Variants in TBL1Y observed in about 807,000 individuals in gnomAD.
TBL1Y encodes F-box-like/WD repeat-containing protein TBL1Y.
Under a neutral mutation model 12.0 loss-of-function variants are expected in TBL1Y, and 15 were observed. That is an observed-to-expected ratio of 1.25 (90% CI 0.83 to 1.92). TBL1Y has a LOEUF of 1.92. TBL1Y is among the 40% of genes most tolerant of loss of function. The probability of loss-of-function intolerance (pLI) is 0.00; values close to 1 mark genes in which losing one functional copy is unlikely to be tolerated. For synonymous variants in TBL1Y, 53 were observed against 42.6 expected, an observed-to-expected ratio of 1.24 and a Z score of -0.95; for missense variants, 148 against 116.7, an observed-to-expected ratio of 1.27 and a Z score of -1.24.
Position 7,070,279 on chromosome Y carries a change from G to A in TBL1Y, c.541G>A (p.Glu181Lys), listed in dbSNP as rs1416288951. Residue 181 changes from glutamate to lysine, a missense_variant, in exon 9 of 19, where the codon GAG becomes AAG. Glu to Lys is a moderately conservative substitution (Grantham distance 56). Coordinates refer to ENST00000383032, the MANE Select transcript of TBL1Y (RefSeq NM_033284.2). ...CACAGTCCTTCGGGGCCACGAGTCTGAGGTGTTCATTTGTGCCTGGAACCC... is the reference window on the plus strand; with the variant it reads ...CACAGTCCTTCGGGGCCACGAGTCTAAGGTGTTCATTTGTGCCTGGAACCC... Reference protein sequence around the residue: ...KATVLRGHESEVFICAWNPVS... With the variant: ...KATVLRGHESKVFICAWNPVS... 1 of 398,323 alleles carries A rather than the reference G, an allele frequency of 2.5e-6. No homozygotes were observed.
At chrY:7,063,152 A>C in intron 7 of TBL1Y, among the ~76,000 whole-genome samples, 1 of 33,808 alleles carries the variant, frequency 3.0e-5, no homozygotes, top group Non-Finnish European at 7.3e-5. Context: ...GACAGTCCCC[A>C]GTGGGGAAAT....
chrY:6,973,469 C>T, intron 2 of TBL1Y, among the ~76,000 whole-genome samples: 1 of 33,673 alleles, frequency 3.0e-5, no homozygotes, highest in Non-Finnish European at 7.3e-5. Flanking sequence ...ATGGGACTCT[C>T]TGTTGATGCT....
intron 14 of TBL1Y, among the ~76,000 whole-genome samples, chrY:7,082,904 A>G: frequency 3.0e-5 from 1 of 33,056 alleles, no homozygotes; most frequent in Non-Finnish European, 7.5e-5. Flanking sequence ...TCACTAACTT[A>G]ACTGATGTAA....
chrY:7,070,378 C>G, intron 9 of TBL1Y, 50 bp downstream of exon 9: 4 of 379,381 alleles, frequency 1.1e-5, no homozygotes, highest in Non-Finnish European at 1.5e-5. Flanking sequence ...ACGCAAGCTG[C>G]TTGCCCTTCC....
At position 6,990,663 on chromosome Y, in the gene TBL1Y, A is replaced by T. The variant is rs2012357377; in HGVS notation, c.-234-5141A>T. Among the ~76,000 whole-genome samples the T allele has an allele frequency of 1.6e-3, 39 of 25,048 alleles. No individual in the cohort carries two copies. In the Admixed American group the frequency reaches 0.017, roughly 11 times the overall value. 67.2% of individuals were successfully genotyped at this position (25,048 alleles called of 37,273 possible). ...AAGCTCCGCCTCCCGGGCTCACACC[A>T]TTCTCCTGCCTCAGCCTCCCGAGTA... On this transcript the variant is annotated intron_variant, in intron 3 of 18. Transcript: ENST00000383032.
intron 3 of TBL1Y, among the ~76,000 whole-genome samples, chrY:6,990,185 T>C (rs757286885): frequency 5.5e-3 from 187 of 34,166 alleles, no homozygotes; most frequent in African/African-American, 0.021. Flanking sequence ...AGACAGGGTC[T>C]TACTCTGTTG....
intron 2 of TBL1Y, among the ~76,000 whole-genome samples, chrY:6,927,936 G>A (rs2011838409): frequency 6.1e-5 from 2 of 32,676 alleles, no homozygotes; most frequent in South Asian, 6.9e-4. Flanking sequence ...TTGCTGCTAC[G>A]TTACTGGTGT....
chrY:6,935,093 C>T (rs2011894606), intron 2 of TBL1Y, among the ~76,000 whole-genome samples: 1 of 30,841 alleles, frequency 3.2e-5, no homozygotes, highest in Non-Finnish European at 7.8e-5. Flanking sequence ...GTCTTGGACT[C>T]CTAGACTTAA....
At chrY:7,046,676 T>G in intron 7 of TBL1Y, among the ~76,000 whole-genome samples, 1 of 34,042 alleles carries the variant, frequency 2.9e-5, no homozygotes, top group Non-Finnish European at 7.3e-5. Flanking sequence ...CTTTAAGCCA[T>G]GAGGTACATT....
At chrY:6,966,698 C>T in intron 2 of TBL1Y, among the ~76,000 whole-genome samples, 1 of 33,243 alleles carries the variant, frequency 3.0e-5, no homozygotes, top group Non-Finnish European at 7.4e-5. Context: ...CTTTGTAATA[C>T]CCAGTTGACT....
intron 7 of TBL1Y, among the ~76,000 whole-genome samples, chrY:7,055,597 TAGA>T (rs2012821221): frequency 1.4e-3 from 47 of 33,732 alleles, no homozygotes; most frequent in African/African-American, 5.5e-3. Context: ...ACTTGGTTGA[TAGA>T]AGAAGACCCT....
At chrY:6,967,356 A>G in intron 2 of TBL1Y, among the ~76,000 whole-genome samples, 1 of 32,545 alleles carries the variant, frequency 3.1e-5, no homozygotes, top group Non-Finnish European at 7.5e-5. Context: ...GAAAATTACT[A>G]TAGGGGTTTC....
At chrY:7,064,790 A>G (rs192939307) in intron 8 of TBL1Y, among the ~76,000 whole-genome samples, 85 of 33,428 alleles carry the variant, frequency 2.5e-3, no homozygotes, top group African/African-American at 9.1e-3. Flanking sequence ...GAGGGTGTGT[A>G]TATACATGTG....
intron 2 of TBL1Y, among the ~76,000 whole-genome samples, chrY:6,939,648 G>GT (rs2011931322): frequency 4.7e-5 from 1 of 21,135 alleles, no homozygotes; most frequent in Admixed American, 4.3e-4. Flanking sequence ...TTTAACATTT[G>GT]TTTTTTTTGT....
intron 7 of TBL1Y, among the ~76,000 whole-genome samples, chrY:7,062,642 C>G (rs1045843255): frequency 9.1e-5 from 3 of 32,867 alleles, no homozygotes; most frequent in Non-Finnish European, 2.2e-4. Flanking sequence ...GAAAAATTCT[C>G]ACCTTTTGGG....
rs772477677 is a variant in TBL1Y at position 7,072,478 on chromosome Y, T to C, written c.894+648T>C. Among the ~76,000 whole-genome samples, 14 of 34,365 alleles carry C rather than the reference T, an allele frequency of 4.1e-4. No homozygotes were observed. The South Asian group carries it at 9.0e-3, about 22-fold the overall frequency. The allele number at this position is 34,365 out of a possible 37,273, so 92.2% of individuals were successfully genotyped here. On this transcript the variant is annotated intron_variant, in intron 12 of 18. Transcript: ENST00000383032. ...GGAAGGAGCCATGTGATGTGAGGCC[T>C]GCACTGCCTGAACTTTCACCCACTG...
intron 2 of TBL1Y, among the ~76,000 whole-genome samples, chrY:6,948,369 A>G (rs2011998985): frequency 3.2e-5 from 1 of 31,233 alleles, no homozygotes; most frequent in Non-Finnish European, 7.7e-5. Context: ...ACAATATGAT[A>G]TAATTATAAG....
intron 8 of TBL1Y, among the ~76,000 whole-genome samples, chrY:7,064,916 G>C (rs1603048187): frequency 9.0e-5 from 3 of 33,518 alleles, no homozygotes; most frequent in East Asian, 1.6e-3. Flanking sequence ...GTGACATAAA[G>C]GTTGTCTGCT....
At chrY:7,070,172 G>C in intron 8 of TBL1Y, 24 bp from the exon 9 acceptor site, 1 of 396,102 alleles carries the variant, frequency 2.5e-6, no homozygotes, top group Non-Finnish European at 3.6e-6. Context: ...TAAGCCATAT[G>C]TCTCTTTGTG....
Sources: allele counts gnomAD v4.1 joint callset (sites outside exome capture counted in the v4.1 genomes callset), GRCh38; gene constraint gnomAD v4.1.1; transcripts MANE v1.5; gene names NCBI Gene and HGNC (gene_info 2026-07-23, HGNC 2026-07-21).